Variants in TSEN54 observed in about 807,000 individuals in gnomAD.
TSEN54 encodes the protein tRNA splicing endonuclease subunit 54, also known as tRNA-splicing endonuclease subunit Sen54.
A neutral mutation model predicts 61.9 loss-of-function variants in TSEN54; 55 were observed. The observed-to-expected ratio is 0.89, with a 90% CI of 0.72 to 1.11. TSEN54 has a LOEUF of 1.11. Ranked by LOEUF, TSEN54 falls within the 50% of genes most tolerant of loss-of-function variation. The pLI is 0.00. For missense variants in TSEN54, 760 were observed against 687.7 expected (o/e 1.11, Z -1.18); for synonymous variants, 304 against 288.7 (o/e 1.05, Z -0.54).
intron 10 of TSEN54, 120 bp from the exon 11 acceptor site, chr17:75,524,142 C>A: frequency 1.4e-6 from 2 of 1,433,496 alleles, no homozygotes; most frequent in Non-Finnish European, 2.0e-6. Flanking sequence ...GTTTTGGAGA[C>A]AGAACTCATG....
At chr17:75,516,949 G>A in intron 2 of TSEN54, 39 bp downstream of exon 2, 2 of 1,543,474 alleles carry the variant, frequency 1.3e-6, no homozygotes, top group Admixed American at 2.0e-5. Context: ...AAGCGGGGGC[G>A]AGGCGGGCCG....
chr17:75,518,235 T>C (rs62088463), intron 5 of TSEN54, among the ~76,000 whole-genome samples: 29,236 of 151,686 alleles, frequency 0.19, 3,244 homozygotes, highest in African/African-American at 0.29. Flanking sequence ...AAGTCTGGAG[T>C]GTGAGGAGAG....
At chr17:75,518,861 T>C (rs757864015) in intron 5 of TSEN54, 134 bp from the exon 6 acceptor site, 53 of 1,570,322 alleles carry the variant, frequency 3.4e-5, no homozygotes, top group Admixed American at 1.1e-4. Flanking sequence ...GGTCCAACCT[T>C]AATCACAGGG....
chr17:75,517,633 C>T lies in TSEN54; in HGVS notation c.446C>T (p.Thr149Ile). 6.2e-7 allele frequency: 1 copy of T among 1,613,940 alleles called. No homozygotes were observed. Among genetic ancestry groups the T allele is most frequent in the South Asian group, 1.1e-5 (1 of 91,078 alleles). The change falls in exon 5 of 11, where the codon ACT (threonine) becomes ATT (isoleucine). Residue 149 changes from threonine to isoleucine, a missense_variant. Thr to Ile is a moderately conservative substitution (Grantham distance 89). Around this residue, in one of 3 missense-constraint regions of TSEN54, gnomAD observed 667 missense variants for 577.8 expected, o/e 1.15. Coordinates refer to ENST00000333213, the MANE Select transcript of TSEN54 (RefSeq NM_207346.3). ...EAYQLLLTDH[T>I]VTFLQYQVFS... The stretch of plus-strand genomic sequence containing the variant: ...TACCAGCTGCTGCTGACCGACCACA[C>T]TGTGACCTTCCTGCAGTACCAGGTA...
chr17:75,522,842 T>C (rs948671440), intron 8 of TSEN54: 3 of 267,100 alleles, frequency 1.1e-5, no homozygotes, highest in African/African-American at 6.8e-5. Flanking sequence ...TTTCAGTATA[T>C]GTTCCAAAAA....
At position 75,516,566 on chromosome 17, in the gene TSEN54, G is replaced by T. The variant is rs794726965; in HGVS notation, c.6G>T (p.Glu2Asp). 10 of 1,145,890 alleles carry T rather than the reference G, an allele frequency of 8.7e-6. No homozygotes were observed. The highest frequency in any genetic ancestry group is 8.2e-5 in the African/African-American group (5 of 60,986). The allele number at this position is 1,145,890 out of a possible 1,614,324, so 71.0% of individuals were successfully genotyped here. A position where few individuals can be genotyped will look rare whatever the true frequency, so the allele number is the denominator to read the frequency against. Residue 2 changes from glutamate to aspartate, a missense_variant, in exon 1 of 11, where the codon GAG becomes GAT. This residue lies in a region of TSEN54 where 667 missense variants were observed against 577.8 expected (regional missense o/e 1.15). Transcript: ENST00000333213. Reference protein sequence around the residue: MEPEPEPAAVEV... With the variant: MDPEPEPAAVEV... Reference sequence around the variant, plus strand: ...CAGCGGCAGGCGGCGGCGGGATGGAGCCCGAGCCCGAGCCCGCGGCCGTGG... The same window carrying T: ...CAGCGGCAGGCGGCGGCGGGATGGATCCCGAGCCCGAGCCCGCGGCCGTGG...
chr17:75,524,297 A>G lies in TSEN54; in HGVS notation c.1466A>G (p.Lys489Arg). Residue 489 changes from lysine to arginine, a missense_variant, in exon 11 of 11, where the codon AAG becomes AGG. Around this residue, in one of 3 missense-constraint regions of TSEN54, gnomAD observed 83 missense variants for 82.9 expected, o/e 1.00. Transcript: ENST00000333213. Reference sequence around the variant, plus strand: ...CCTGTCCCAGACCTCTGCAGCCTCAAGCGGTTGTCTTACCAGAGTGGGGAT... The same window carrying G: ...CCTGTCCCAGACCTCTGCAGCCTCAGGCGGTTGTCTTACCAGAGTGGGGAT... ...DEPVPDLCSL[K>R]RLSYQSGDVP... 1 of 1,614,176 alleles carries G rather than the reference A, an allele frequency of 6.2e-7. No individual in the cohort carries two copies. Among genetic ancestry groups the G allele is most frequent in the Non-Finnish European group, 8.5e-7 (1 of 1,180,034 alleles).
At chr17:75,523,076 G>A (rs2053445494) in intron 8 of TSEN54, 199 bp from the exon 9 acceptor site, 3 of 647,784 alleles carry the variant, frequency 4.6e-6, no homozygotes, top group Non-Finnish European at 8.4e-6. Context: ...CTACTCAGGA[G>A]GCTGAGACAG....
At chr17:75,519,773 GT>G (rs758049470) in intron 6 of TSEN54, among the ~76,000 whole-genome samples, 6 of 151,854 alleles carry the variant, frequency 4.0e-5, no homozygotes, top group Non-Finnish European at 8.8e-5. Context: ...GGGTTTCACT[GT>G]GTTGCCCAGG....
At chr17:75,521,354 G>T (rs1354582552) in intron 6 of TSEN54, 55 bp from the exon 7 acceptor site, 1 of 1,453,292 alleles carries the variant, frequency 6.9e-7, no homozygotes, top group Admixed American at 1.7e-5. Flanking sequence ...CATCCCACCA[G>T]ATCCCCAGGC....
intron 4 of TSEN54, 151 bp from the exon 5 acceptor site, chr17:75,517,406 A>T (rs1409434332): frequency 6.1e-6 from 7 of 1,140,676 alleles, no homozygotes; most frequent in Admixed American, 3.5e-5. Context: ...TCCAGTCCAC[A>T]TTAGTGATGC....
At position 75,521,933 on chromosome 17, in the gene TSEN54, C is replaced by CGAGAACG. The variant is rs766586470; in HGVS notation, c.856_862dup (p.Val288GlufsTer8). The CGAGAACG allele has an allele frequency of 1.1e-5, 17 of 1,610,266 alleles. No individual in the cohort carries two copies. In the African/African-American group the frequency reaches 1.2e-4, roughly 11 times the overall value. On this transcript the variant is annotated frameshift_variant, in exon 8 of 11. Coordinates refer to ENST00000333213, the MANE Select transcript of TSEN54 (RefSeq NM_207346.3). LOFTEE classifies it high-confidence loss of function. Reference sequence around the variant, plus strand: ...GGTGCAGCTGGGAGAGTGGCAGAGCCGAGAACGGAGTCACGGGAGCCGGTA... The same window carrying CGAGAACG: ...GGTGCAGCTGGGAGAGTGGCAGAGCCGAGAACGGAGAACGGAGTCACGGGAGCCGGTA...
At chr17:75,522,874 T>TAAAA in intron 8 of TSEN54, 1 of 262,268 alleles carries the variant, frequency 3.8e-6, no homozygotes, top group Non-Finnish European at 7.4e-6. Flanking sequence ...ATGCTTATAC[T>TAAAA]AAAAAAAAAA....
chr17:75,521,779 C>T lies in TSEN54; in HGVS notation c.698C>T (p.Pro233Leu). ...AGTCTGGCAGCCTCCAGCCCACCTC[C>T]CTGCAGCCAGCCCAGCCAATGCCCA... ...PKSLAASSPP[P>L]CSQPSQCPEE... Residue 233 changes from proline to leucine, a missense_variant, in exon 8 of 11, where the codon CCC (proline) becomes CTC (leucine). Coordinates refer to ENST00000333213, the MANE Select transcript of TSEN54 (RefSeq NM_207346.3). 4 of 1,612,902 alleles carry T rather than the reference C, an allele frequency of 2.5e-6. No individual in the cohort carries two copies. Among genetic ancestry groups the T allele is most frequent in the Non-Finnish European group, 3.4e-6 (4 of 1,179,942 alleles).
rs751035670 is a variant in TSEN54 at position 75,521,940 on chromosome 17, G to A, written c.859G>A (p.Gly287Arg). Residue 287 changes from glycine to arginine, a missense_variant, in exon 8 of 11, where the codon GGA becomes AGA. By Grantham distance (125) the Gly-to-Arg change is moderately radical. Around this residue, in one of 3 missense-constraint regions of TSEN54, gnomAD observed 667 missense variants for 577.8 expected, o/e 1.15. Transcript: ENST00000333213. Reference sequence around the variant, plus strand: ...CTGGGAGAGTGGCAGAGCCGAGAACGGAGTCACGGGAGCCGGTAAGCGGCG... The same window carrying A: ...CTGGGAGAGTGGCAGAGCCGAGAACAGAGTCACGGGAGCCGGTAAGCGGCG... ...CSWESGRAEN[G>R]VTGAGKRRWN... 10 of 1,610,562 alleles carry A rather than the reference G, an allele frequency of 6.2e-6. No individual in the cohort carries two copies. Among genetic ancestry groups the A allele is most frequent in the East Asian group, 2.2e-5 (1 of 44,766 alleles).
In TSEN54 at chr17:75,522,211, G is replaced by C. The variant is rs1407355140; in HGVS notation, c.1130G>C (p.Ser377Thr). 6.5e-7 allele frequency: 1 copy of C among 1,547,698 alleles called. No individual in the cohort carries two copies. The change falls in exon 8 of 11, where the codon AGC (serine) becomes ACC (threonine). Residue 377 changes from serine (S) to threonine (T), a missense_variant. Physicochemically the swap from Ser to Thr is moderately conservative, Grantham distance 58. Transcript: ENST00000333213. ...NADPEVQRCSSWREYKELLQR... is the reference protein window; with the variant it reads ...NADPEVQRCSTWREYKELLQR... ...GATCCCGAGGTGCAGCGGTGCTCCA[G>C]CTGGCGGGAGTACAAGGAGCTGCTG...
intron 8 of TSEN54, 45 bp from the exon 9 acceptor site, chr17:75,523,230 A>C: frequency 1.2e-6 from 2 of 1,613,966 alleles, no homozygotes; most frequent in Non-Finnish European, 1.7e-6. Context: ...CAGACTGAGA[A>C]ATGTGACTCC....
intron 7 of TSEN54, 49 bp downstream of exon 7, chr17:75,521,559 CCTTGGAAAATGCACAGG>C: frequency 6.3e-7 from 1 of 1,595,056 alleles, no homozygotes; most frequent in Non-Finnish European, 8.6e-7. Flanking sequence ...GTGTCTGGGA[CCTTGGAAAATGCACAGG>C]CTTTCTAAGA....
At position 75,524,366 on chromosome 17, in the gene TSEN54, T is replaced by C. The variant is rs1598480419; in HGVS notation, c.1535T>C (p.Phe512Ser). 1.2e-6 allele frequency: 2 copies of C among 1,614,186 alleles called. No homozygotes were observed. The highest frequency in any genetic ancestry group is 1.7e-6 in the Non-Finnish European group (2 of 1,180,032). Residue 512 changes from phenylalanine (F) to serine (S), a missense_variant, in exon 11 of 11, where the codon TTC becomes TCC. Around this residue, in one of 3 missense-constraint regions of TSEN54, gnomAD observed 83 missense variants for 82.9 expected, o/e 1.00. Transcript: ENST00000333213. ...FALVDHGDIS[F>S]YSFRDFTLPQ... is the part of the protein sequence containing the mutation. The stretch of plus-strand genomic sequence containing the variant: ...CTGGTGGATCATGGTGACATCTCCT[T>C]CTACAGCTTCAGGGACTTCACGTTG...
Sources: allele counts gnomAD v4.1 joint callset (sites outside exome capture counted in the v4.1 genomes callset), GRCh38; gene constraint gnomAD v4.1.1; regional missense constraint gnomAD v4.1.1; transcripts MANE v1.5; gene names NCBI Gene and HGNC (gene_info 2026-07-23, HGNC 2026-07-21).